DMTF1: variants seen among roughly 807,000 people sequenced by gnomAD.
DMTF1 encodes cyclin D binding myb like transcription factor 1.
A neutral mutation model predicts 91.1 loss-of-function variants in DMTF1; 39 were observed. The ratio of observed to expected loss-of-function variants is 0.43; its 90% confidence interval spans 0.33 to 0.56. DMTF1 has a LOEUF of 0.56. DMTF1 is among the 20% of genes least tolerant of loss of function. DMTF1 has a pLI of 0.05. For synonymous variants in DMTF1, 338 were observed against 309.5 expected (o/e 1.09, Z -0.97); for missense variants, 750 against 914.5 (o/e 0.82, Z 2.32).
chr7:87,177,889 G>GC (rs144170310), intron 7 of DMTF1, among the ~76,000 whole-genome samples: 1,738 of 152,186 alleles, frequency 0.011, 33 homozygotes, highest in African/African-American at 0.04. Context: ...GTTGATACTT[G>GC]CACCAGTACA....
In DMTF1 at chr7:87,193,285, A is replaced by C. The variant is rs768329191; in HGVS notation, c.1582A>C (p.Ser528Arg). 1 of 1,613,460 alleles carries C rather than the reference A, an allele frequency of 6.2e-7. No homozygotes were observed. The highest frequency in any genetic ancestry group is 1.1e-5 in the South Asian group (1 of 91,064). ...AGGCCTTCCCCTAACTCTGACTGCT[A>C]GTCCCACAGTAACCCTGACAGCTGC... ...SQGLPLTLTA[S>R]PTVTLTAAAP... The change falls in exon 15 of 18, where the codon AGT becomes CGT. Residue 528 changes from serine to arginine, a missense_variant. Ser to Arg is a moderately radical substitution (Grantham distance 110). Transcript: ENST00000331242.
Position 87,182,237 on chromosome 7 carries a change from A to G in DMTF1, c.720A>G (p.Ile240Met). ...EEIEKLKELR[I>M]KHGNDWATIG... ...CAGACTCTTGTTTTAGGCTCCGGAT[A>G]AAGCATGGCAATGACTGGGCAACAA... is the stretch of plus-strand genomic sequence containing the variant. The change falls in exon 10 of 18, where the codon ATA (isoleucine) becomes ATG (methionine). Residue 240 changes from isoleucine (I) to methionine (M), a missense_variant. Ile to Met is a conservative substitution (Grantham distance 10). Coordinates refer to ENST00000331242, the MANE Select transcript of DMTF1 (RefSeq NM_001142327.2). 1 of 1,614,126 alleles carries G rather than the reference A, an allele frequency of 6.2e-7. No individual in the cohort carries two copies. Among genetic ancestry groups the G allele is most frequent in the Non-Finnish European group, 8.5e-7 (1 of 1,179,980 alleles).
In DMTF1 at chr7:87,188,205, C is replaced by T. The variant is rs529089476; in HGVS notation, c.1315C>T (p.His439Tyr). 2 of 1,614,014 alleles carry T rather than the reference C, an allele frequency of 1.2e-6. No individual in the cohort carries two copies. The highest frequency in any genetic ancestry group is 2.2e-5 in the South Asian group (2 of 91,088). Residue 439 changes from histidine to tyrosine, a missense_variant, in exon 13 of 18, where the codon CAT becomes TAT. His to Tyr is a moderately conservative substitution (Grantham distance 83). Transcript: ENST00000331242. ...PNSNTNSSVQ[H>Y]VQIRVARLED... ...CAGTAATACCAATTCCAGTGTGCAGCATGTTCAGATAAGAGTTGCCCGCTT... is the reference window on the plus strand; with the variant it reads ...CAGTAATACCAATTCCAGTGTGCAGTATGTTCAGATAAGAGTTGCCCGCTT...
At chr7:87,153,275 C>T (rs958480353) in intron 1 of DMTF1, among the ~76,000 whole-genome samples, 2 of 152,162 alleles carry the variant, frequency 1.3e-5, no homozygotes, top group African/African-American at 4.8e-5. Context: ...GGGGACAGTC[C>T]TGGTGGAGCA....
At chr7:87,173,760 G>C (rs903049389) in intron 6 of DMTF1, 111 bp downstream of exon 6, 2 of 482,264 alleles carry the variant, frequency 4.1e-6, no homozygotes, top group African/African-American at 4.0e-5. Flanking sequence ...TGAGCAGTTA[G>C]AGTAATTGAG....
At chr7:87,152,883 C>T (rs1789540066) in intron 1 of DMTF1, 1 of 154,860 alleles carries the variant, frequency 6.5e-6, no homozygotes, top group Admixed American at 6.5e-5. Flanking sequence ...GCGCCGGGAC[C>T]CCTGGGGGGT....
rs539435316 is a variant in DMTF1, at chr7:87,178,601, G to A, written c.520-944G>A. ...TCCTGGGATAAACTCACTTTTCTACGTGGACATACTAATGTTTTTATACAT... is the reference window on the plus strand; with the variant it reads ...TCCTGGGATAAACTCACTTTTCTACATGGACATACTAATGTTTTTATACAT... On this transcript the variant is annotated intron_variant, in intron 7 of 17. Coordinates refer to ENST00000331242, the MANE Select transcript of DMTF1 (RefSeq NM_001142327.2). 3.7e-4 allele frequency among the ~76,000 whole-genome samples: 56 copies of A among 151,704 alleles called. 1 individual carries two copies. The highest frequency in any genetic ancestry group is 1.3e-3 in the African/African-American group (54 of 41,382).
intron 14 of DMTF1, 152 bp from the exon 15 acceptor site, chr7:87,193,046 A>G (rs1562858620): frequency 5.7e-6 from 4 of 698,628 alleles, no homozygotes; most frequent in African/African-American, 3.6e-5. Context: ...AGGCTAGGTA[A>G]TGACTTGAGA....
Position 87,194,601 on chromosome 7 carries a change from C to CT in DMTF1, c.2029-82dup, listed in dbSNP as rs1186738481. On this transcript the variant is annotated intron_variant, in intron 16 of 17. Coordinates refer to ENST00000331242, the MANE Select transcript of DMTF1 (RefSeq NM_001142327.2). ...ATTTTTAAATGGGTTATGTTTAAGT[C>CT]TAACCTATACATACCTATACATGGG... The CT allele has an allele frequency of 4.1e-6, 4 of 984,408 alleles. No homozygotes were observed. In the Admixed American group the frequency reaches 1.0e-4, roughly 25 times the overall value. The allele number at this position is 984,408 out of a possible 1,614,324, so 61.0% of individuals were successfully genotyped here. A position where few individuals can be genotyped will look rare whatever the true frequency, so the allele number is the denominator to read the frequency against.
In DMTF1 at chr7:87,184,644, G is replaced by A. The variant is rs767866816; in HGVS notation, c.1049+19G>A. On this transcript the variant is annotated intron_variant, in intron 11 of 17. Transcript: ENST00000331242. ...TCCTCAGGTTTGTGTCCTGAATCTTGTAATGACAAAAGCAACTTAATTTCT... is the reference window on the plus strand; with the variant it reads ...TCCTCAGGTTTGTGTCCTGAATCTTATAATGACAAAAGCAACTTAATTTCT... 8.7e-6 allele frequency: 14 copies of A among 1,604,726 alleles called. No homozygotes were observed. The highest frequency in any genetic ancestry group is 1.2e-5 in the Non-Finnish European group (14 of 1,172,372).
intron 7 of DMTF1, among the ~76,000 whole-genome samples, chr7:87,178,824 A>T (rs967935722): frequency 6.7e-6 from 1 of 150,188 alleles, no homozygotes; most frequent in African/African-American, 2.5e-5. Context: ...TTGTGTGTCT[A>T]TTTGGTAGGA....
chr7:87,156,538 G>A (rs1790777160), intron 1 of DMTF1, among the ~76,000 whole-genome samples: 1 of 152,082 alleles, frequency 6.6e-6, no homozygotes, highest in African/African-American at 2.4e-5. Flanking sequence ...ATCCCACGGG[G>A]CCTGGCACCA....
intron 2 of DMTF1, 118 bp from the exon 3 acceptor site, chr7:87,164,813 TGAA>T (rs1793431481): frequency 6.6e-6 from 3 of 456,478 alleles, no homozygotes; most frequent in South Asian, 1.4e-4. Flanking sequence ...CAGTTTTACA[TGAA>T]GAACACTGTA....
rs1800519773 is a variant in DMTF1 at position 87,193,912 on chromosome 7, C to G, written c.1838C>G (p.Pro613Arg). The G allele has an allele frequency of 1.2e-6, 2 of 1,613,306 alleles. No homozygotes were observed. Among genetic ancestry groups the G allele is most frequent in the Non-Finnish European group, 1.7e-6 (2 of 1,179,590 alleles). ...PPDALEADTF[P>R]DEIHHPKMTV... ...GACGCCCTAGAAGCAGACACTTTCC[C>G]AGATGAAATTCATCACCCTAAGATG... The change falls in exon 16 of 18, where the codon CCA becomes CGA. Residue 613 changes from proline (P) to arginine (R), a missense_variant. Around this residue, in one of 3 missense-constraint regions of DMTF1, gnomAD observed 410 missense variants for 420.2 expected, o/e 0.98. Transcript: ENST00000331242.
chr7:87,185,701 AAC>A, intron 11 of DMTF1, 126 bp from the exon 12 acceptor site: 2 of 1,056,722 alleles, frequency 1.9e-6, no homozygotes, highest in Non-Finnish European at 2.8e-6. Flanking sequence ...CGTGTAACTT[AAC>A]AATAGCATCT....
At chr7:87,180,179 G>C (rs1562826259) in intron 8 of DMTF1, among the ~76,000 whole-genome samples, 1 of 152,120 alleles carries the variant, frequency 6.6e-6, no homozygotes. Context: ...TTCTTCAAAT[G>C]CAATGATTAT....
At chr7:87,179,809 TTAA>T in intron 8 of DMTF1, 107 bp downstream of exon 8, 1 of 1,047,208 alleles carries the variant, frequency 9.5e-7, no homozygotes, top group Non-Finnish European at 1.4e-6. Context: ...TTAATTGTTG[TTAA>T]TATTTTTATC....
intron 11 of DMTF1, chr7:87,184,890 C>G (rs1198708626): frequency 1.8e-6 from 1 of 566,512 alleles, no homozygotes; most frequent in Admixed American, 2.2e-5. Flanking sequence ...ATCCACAGAA[C>G]AGGTATGGCA....
intron 1 of DMTF1, among the ~76,000 whole-genome samples, chr7:87,161,345 C>T (rs1302507847): frequency 1.3e-5 from 2 of 151,984 alleles, no homozygotes; most frequent in East Asian, 3.9e-4. Context: ...TAAAAAAATA[C>T]CAAAAAATTA....
Sources: allele counts gnomAD v4.1 joint callset (sites outside exome capture counted in the v4.1 genomes callset), GRCh38; gene constraint gnomAD v4.1.1; regional missense constraint gnomAD v4.1.1; transcripts MANE v1.5; gene names NCBI Gene and HGNC (gene_info 2026-07-23, HGNC 2026-07-21).